PKP4: variants seen among roughly 807,000 people sequenced by gnomAD.
PKP4 encodes the protein plakophilin 4.
A neutral mutation model predicts 145.1 loss-of-function variants in PKP4; 90 were observed. The observed-to-expected ratio is 0.62, with a 90% confidence interval of 0.52 to 0.74. The LOEUF (loss-of-function observed/expected upper bound fraction) is 0.74, where lower values mean the gene tolerates loss of function less well. Ranked by LOEUF, PKP4 falls within the 30% of genes least tolerant of loss-of-function variation. PKP4 has a pLI of 0.00. For missense variants in PKP4, 1,340 were observed against 1,482.7 expected, an observed-to-expected ratio of 0.90 and a Z score of 1.58; for synonymous variants, 563 against 577.2, an observed-to-expected ratio of 0.98 and a Z score of 0.35.
chr2:158,589,394 A>G (rs2049064313), intron 3 of PKP4, among the ~76,000 whole-genome samples: 1 of 152,092 alleles, frequency 6.6e-6, no homozygotes, highest in Admixed American at 6.6e-5. Context: ...TCAGTACTCC[A>G]TTTACCTCCT....
chr2:158,473,451 A>G (rs1023006001), intron 1 of PKP4, among the ~76,000 whole-genome samples: 8 of 152,234 alleles, frequency 5.3e-5, no homozygotes, highest in Non-Finnish European at 8.8e-5. Context: ...AATGTGGTAC[A>G]TATACACCGT....
At chr2:158,518,090 G>C (rs2042074199) in intron 1 of PKP4, among the ~76,000 whole-genome samples, 1 of 152,164 alleles carries the variant, frequency 6.6e-6, no homozygotes, top group African/African-American at 2.4e-5. Context: ...AAACAACAAT[G>C]AGTTTTTAAG....
intron 2 of PKP4, among the ~76,000 whole-genome samples, chr2:158,539,964 A>G (rs959762021): frequency 6.6e-6 from 1 of 152,160 alleles, no homozygotes; most frequent in Non-Finnish European, 1.5e-5. Flanking sequence ...AAAGAATACT[A>G]CAGAGTATGG....
Position 158,642,428 on chromosome 2 carries a change from A to T in PKP4, c.1696-58A>T, listed in dbSNP as rs2253537. The stretch of plus-strand genomic sequence containing the variant: ...TGATCTCTCCATAACGGACTTCTGT[A>T]TGATCACTGATTAATTGCATGTTAC... On this transcript the variant is annotated intron_variant, in intron 10 of 21. Coordinates refer to ENST00000389759, the MANE Select transcript of PKP4 (RefSeq NM_003628.6). The T allele has an allele frequency of 0.88, 1,121,949 of 1,279,226 alleles. 498,255 individuals carry two copies. Among genetic ancestry groups the T allele is most frequent in the East Asian group, 0.97 (41,550 of 42,834 alleles). 79.2% of individuals were successfully genotyped at this position (1,279,226 alleles called of 1,614,324 possible). A position where few individuals can be genotyped will look rare whatever the true frequency, so the allele number is the denominator to read the frequency against.
At chr2:158,474,534 C>A (rs1179879095) in intron 1 of PKP4, among the ~76,000 whole-genome samples, 1 of 152,148 alleles carries the variant, frequency 6.6e-6, no homozygotes, top group Admixed American at 6.5e-5. Flanking sequence ...TAAGTGAAGG[C>A]AAGAATAATT....
At chr2:158,580,051 A>G (rs2048203291) in intron 3 of PKP4, among the ~76,000 whole-genome samples, 1 of 152,182 alleles carries the variant, frequency 6.6e-6, no homozygotes, top group African/African-American at 2.4e-5. Context: ...AATCTGTAGC[A>G]TTTTATTCAA....
chr2:158,668,940 G>A (rs1428582494), intron 16 of PKP4, among the ~76,000 whole-genome samples: 2 of 152,198 alleles, frequency 1.3e-5, no homozygotes, highest in African/African-American at 4.8e-5. Flanking sequence ...CTTACAGTTT[G>A]TCAGTTGGTA....
At chr2:158,637,580 G>C (rs1283451641) in intron 9 of PKP4, among the ~76,000 whole-genome samples, 12 of 152,176 alleles carry the variant, frequency 7.9e-5, no homozygotes, top group Admixed American at 7.9e-4. Flanking sequence ...CTTGGCCTCA[G>C]CTTCCTGTGT....
At chr2:158,616,179 C>T (rs1041948692) in intron 4 of PKP4, among the ~76,000 whole-genome samples, 2 of 152,210 alleles carry the variant, frequency 1.3e-5, no homozygotes. Flanking sequence ...CACCCTGAAA[C>T]AACATTTCTC....
chr2:158,601,346 T>C (rs1225231959), intron 3 of PKP4, among the ~76,000 whole-genome samples: 1 of 152,216 alleles, frequency 6.6e-6, no homozygotes, highest in Non-Finnish European at 1.5e-5. Context: ...TGATTTACCA[T>C]GTATTTTAAT....
At chr2:158,649,987 T>C (rs944608395) in intron 11 of PKP4, among the ~76,000 whole-genome samples, 27 of 152,220 alleles carry the variant, frequency 1.8e-4, no homozygotes, top group African/African-American at 6.5e-4. Context: ...TCCTGGAACA[T>C]GTAGGTCAGC....
At chr2:158,504,708 A>G (rs1294320625) in intron 1 of PKP4, among the ~76,000 whole-genome samples, 1 of 152,228 alleles carries the variant, frequency 6.6e-6, no homozygotes, top group East Asian at 1.9e-4. Context: ...CCTAATCTGG[A>G]ATATAAATGT....
chr2:158,467,344 C>T (rs1049356965), intron 1 of PKP4, among the ~76,000 whole-genome samples: 2 of 152,162 alleles, frequency 1.3e-5, no homozygotes, highest in Non-Finnish European at 2.9e-5. Flanking sequence ...CTCCTACTCT[C>T]ATCGCCTCCT....
At chr2:158,462,692 A>G (rs1311745961) in intron 1 of PKP4, among the ~76,000 whole-genome samples, 1 of 152,210 alleles carries the variant, frequency 6.6e-6, no homozygotes, top group South Asian at 2.1e-4. Flanking sequence ...AAGTGTCATT[A>G]AGGTAGTGAG....
intron 1 of PKP4, among the ~76,000 whole-genome samples, chr2:158,525,656 A>G (rs2042846931): frequency 8.1e-6 from 1 of 123,448 alleles, no homozygotes; most frequent in South Asian, 3.3e-4. Flanking sequence ...AAGGAAATAG[A>G]GACACAGAAA....
intron 2 of PKP4, among the ~76,000 whole-genome samples, chr2:158,570,149 T>C (rs3821290): frequency 0.54 from 82,502 of 151,984 alleles, 22,858 homozygotes; most frequent in East Asian, 0.79. Context: ...CATTTGATTA[T>C]CTCTGTCAAA....
intron 2 of PKP4, among the ~76,000 whole-genome samples, chr2:158,550,544 G>A (rs1410791968): frequency 6.6e-6 from 1 of 152,178 alleles, no homozygotes; most frequent in Admixed American, 6.5e-5. Context: ...CCCTGATGGG[G>A]TGTGATTTCT....
In PKP4 at chr2:158,659,142, G is replaced by C. The variant is rs2056290221; in HGVS notation, c.2093+828G>C. 1.3e-5 allele frequency: 2 copies of C among 152,330 alleles called. 1 individual carries two copies. The highest frequency in any genetic ancestry group is 4.1e-4 in the South Asian group (2 of 4,830). The allele number at this position is 152,330 out of a possible 1,614,324, so 9.4% of individuals were successfully genotyped here. On this transcript the variant is annotated intron_variant, in intron 12 of 21. Transcript: ENST00000389759. Reference sequence around the variant, plus strand: ...CATCACCAAGACAGGCAGCCTGAAAGAGAGCAAAGCTTGTGTGGCTGGTCT... The same window carrying C: ...CATCACCAAGACAGGCAGCCTGAAACAGAGCAAAGCTTGTGTGGCTGGTCT...
intron 2 of PKP4, among the ~76,000 whole-genome samples, chr2:158,534,827 GT>G (rs1398675818): frequency 6.6e-6 from 1 of 152,136 alleles, no homozygotes; most frequent in African/African-American, 2.4e-5. Context: ...TCTTCTGGCA[GT>G]AAATAGTGTT....
Sources: gnomAD v4.1 joint callset for allele counts (sites outside exome capture counted in the v4.1 genomes callset) on GRCh38, gnomAD v4.1.1 for gene constraint, MANE v1.5 for transcripts, NCBI Gene and HGNC (gene_info 2026-07-23, HGNC 2026-07-21) for gene names.